Variants in CHD2 observed in about 807,000 individuals in gnomAD.
The protein encoded by CHD2 is chromodomain helicase DNA binding protein 2, also known as ATP-dependent chromatin remodeler CHD2.
CHD2 carries 28 observed loss-of-function variants against 243.9 expected under a neutral mutation model. The observed-to-expected ratio is 0.11, with a 90% CI of 0.09 to 0.16. The LOEUF (loss-of-function observed/expected upper bound fraction) is 0.16, where lower values mean the gene tolerates loss of function less well. Ranked by LOEUF, CHD2 falls within the 10% of genes least tolerant of loss-of-function variation. The pLI, the probability that CHD2 is intolerant of heterozygous loss-of-function variation, is 1.00. For missense variants in CHD2, 1,386 were observed against 2,209.8 expected, an observed-to-expected ratio of 0.63 and a Z score of 7.47; for synonymous variants, 775 against 779.0, an observed-to-expected ratio of 0.99 and a Z score of 0.09.
chr15:92,970,715 A>T (rs965695243), intron 17 of CHD2, among the ~76,000 whole-genome samples: 1 of 152,068 alleles, frequency 6.6e-6, no homozygotes, highest in Non-Finnish European at 1.5e-5. Flanking sequence ...GGCCTTTATG[A>T]TGCATAGTGT....
At chr15:93,016,984 G>A (rs553621268) in intron 37 of CHD2, among the ~76,000 whole-genome samples, 126 of 152,112 alleles carry the variant, frequency 8.3e-4, no homozygotes, top group Non-Finnish European at 1.5e-3. Flanking sequence ...CTTGCTACTA[G>A]GAAAATATAA....
chr15:92,955,625 A>G (rs976457947), intron 15 of CHD2, 113 bp downstream of exon 15: 58 of 629,012 alleles, frequency 9.2e-5, no homozygotes, highest in Non-Finnish European at 1.5e-4. Context: ...AAAGTTAAAA[A>G]TAAAAAACAA....
At chr15:92,978,431 G>A (rs754106734) in intron 21 of CHD2, 48 bp downstream of exon 21, 2 of 1,587,472 alleles carry the variant, frequency 1.3e-6, no homozygotes, top group South Asian at 1.1e-5. Flanking sequence ...TGGGGGCCAG[G>A]GGGCTTGTTC....
chr15:93,004,378 T>A (rs971325328), intron 33 of CHD2: 1 of 356,854 alleles, frequency 2.8e-6, no homozygotes, highest in Non-Finnish European at 5.1e-6. Context: ...AAAATAGCAC[T>A]GATGAAATTG....
intron 17 of CHD2, among the ~76,000 whole-genome samples, chr15:92,969,924 C>T (rs1177675375): frequency 7.1e-6 from 1 of 140,686 alleles, no homozygotes; most frequent in Non-Finnish European, 1.5e-5. Context: ...TTTGTTTTTA[C>T]TTTTTTTTTT....
chr15:92,918,127 G>T (rs1446854590), intron 2 of CHD2, among the ~76,000 whole-genome samples: 1 of 152,162 alleles, frequency 6.6e-6, no homozygotes, highest in Non-Finnish European at 1.5e-5. Flanking sequence ...CCCTCTTGTG[G>T]CCATTTGGGA....
chr15:92,937,695 G>C, intron 6 of CHD2, 70 bp downstream of exon 6: 3 of 1,150,106 alleles, frequency 2.6e-6, no homozygotes, highest in Non-Finnish European at 3.8e-6. Context: ...GGATAATGTC[G>C]TGCTGAAATG....
chr15:92,911,379 C>T (rs1204462638), intron 2 of CHD2, among the ~76,000 whole-genome samples: 2 of 152,168 alleles, frequency 1.3e-5, no homozygotes, highest in African/African-American at 4.8e-5. Flanking sequence ...GGGATTCAAA[C>T]AGTGGCAGTT....
At position 93,023,679 on chromosome 15, in the gene CHD2, G is replaced by GTTT. The variant is rs150306581; in HGVS notation, c.5154-692_5154-691insTTT. Among the ~76,000 whole-genome samples, 676 of 143,476 alleles carry GTTT rather than the reference G, an allele frequency of 4.7e-3. 9 individuals carry two copies. The highest frequency in any genetic ancestry group is 0.015 in the African/African-American group (592 of 39,790). 94.1% of individuals were successfully genotyped at this position (143,476 alleles called of 152,430 possible). On this transcript the variant is annotated intron_variant, in intron 38 of 38. Coordinates refer to ENST00000394196, the MANE Select transcript of CHD2 (RefSeq NM_001271.4). ...CACTTATTTCCTGGGTTTTTTTTTT[G>GTTT]TGTTTTTTTTTAATGAGTATCTCCA...
At chr15:92,935,576 T>C (rs768262443) in intron 5 of CHD2, among the ~76,000 whole-genome samples, 2 of 152,230 alleles carry the variant, frequency 1.3e-5, no homozygotes, top group Non-Finnish European at 2.9e-5. Context: ...GCTGTTCATA[T>C]TCCTTCAAGC....
chr15:93,021,467 CTCTT>C (rs1567167498), intron 38 of CHD2: 3 of 152,152 alleles, frequency 2.0e-5, no homozygotes, highest in African/African-American at 7.2e-5. Flanking sequence ...CCCCCACTCT[CTCTT>C]CTTCTTTGGA....
chr15:92,974,167 T>A (rs2141838386), intron 19 of CHD2: 1 of 152,360 alleles, frequency 6.6e-6, no homozygotes, highest in South Asian at 2.1e-4. Flanking sequence ...ATGCAGGTGA[T>A]AATTCTTTAG....
rs1280110183 is a variant in CHD2, at chr15:92,945,738, A to AT, written c.1154-80dup. 9.2e-5 allele frequency: 78 copies of AT among 849,366 alleles called. 1 individual carries two copies. In the African/African-American group the frequency reaches 1.0e-3, roughly 11 times the overall value. 52.6% of individuals were successfully genotyped at this position (849,366 alleles called of 1,614,324 possible). ...TTTAAGGTGTGAGGTAGTAGAATAT[A>AT]TTTACATTTTATTCATAGAACCCAA... On this transcript the variant is annotated intron_variant, in intron 10 of 38. Coordinates refer to ENST00000394196, the MANE Select transcript of CHD2 (RefSeq NM_001271.4).
chr15:92,986,396 C>T (rs1398421386), intron 26 of CHD2, among the ~76,000 whole-genome samples: 1 of 151,842 alleles, frequency 6.6e-6, no homozygotes, highest in Non-Finnish European at 1.5e-5. Flanking sequence ...CTTTAAGTTT[C>T]ATGTATTTGA....
intron 1 of CHD2, 69 bp from the exon 2 acceptor site, chr15:92,901,098 G>T: frequency 1.5e-6 from 1 of 675,116 alleles, no homozygotes; most frequent in South Asian, 1.7e-5. Context: ...ACATCGTCAG[G>T]ACTTTGTTCC....
At chr15:92,907,717 A>C (rs2052648310) in intron 2 of CHD2, among the ~76,000 whole-genome samples, 1 of 152,208 alleles carries the variant, frequency 6.6e-6, no homozygotes, top group South Asian at 2.1e-4. Context: ...TGCCCATAAA[A>C]TGCTTAGCAA....
chr15:92,993,169 C>T (rs2141861970), intron 28 of CHD2, 171 bp downstream of exon 28: 1 of 611,764 alleles, frequency 1.6e-6, no homozygotes, highest in East Asian at 2.9e-5. Context: ...TCCTACAGGT[C>T]TACTCACAAA....
At chr15:92,902,808 A>G (rs1480803443) in intron 2 of CHD2, 1 of 152,338 alleles carries the variant, frequency 6.6e-6, no homozygotes, top group East Asian at 1.9e-4. Flanking sequence ...CCTTGAGTGT[A>G]TCATTTGCAT....
At position 93,004,429 on chromosome 15, in the gene CHD2, A is replaced by G. The variant is rs1174394609; in HGVS notation, c.4279-188A>G. 6 of 454,812 alleles carry G rather than the reference A, an allele frequency of 1.3e-5. No homozygotes were observed. In the East Asian group the frequency reaches 2.1e-4, roughly 16 times the overall value. 28.2% of individuals were successfully genotyped at this position (454,812 alleles called of 1,614,324 possible). A position where few individuals can be genotyped will look rare whatever the true frequency, so the allele number is the denominator to read the frequency against. ...ACATTTAGAGATGGAAATGGGAATA[A>G]TGTGTGAGTAAGCTGCTAATCAGAC... is the stretch of plus-strand genomic sequence containing the variant. On this transcript the variant is annotated intron_variant, in intron 33 of 38. Coordinates refer to ENST00000394196, the MANE Select transcript of CHD2 (RefSeq NM_001271.4).
Sources: allele counts gnomAD v4.1 joint callset (sites outside exome capture counted in the v4.1 genomes callset), GRCh38; gene constraint gnomAD v4.1.1; transcripts MANE v1.5; gene names NCBI Gene and HGNC (gene_info 2026-07-23, HGNC 2026-07-21).